The following TMC7 variants were observed in gnomAD, a reference collection of about 807,000 sequenced individuals.
The protein encoded by TMC7 is transmembrane channel like 7.
TMC7 carries 54 observed loss-of-function variants against 82.9 expected under a neutral mutation model. That is an observed-to-expected ratio of 0.65 (90% CI 0.52 to 0.82). The LOEUF is 0.82. TMC7 is among the 40% of genes least tolerant of loss of function. The pLI is 0.00. For missense variants in TMC7, 820 were observed against 901.2 expected (o/e 0.91, Z 1.15); for synonymous variants, 350 against 337.9 (o/e 1.04, Z -0.39).
In TMC7 at chr16:19,019,098, C is replaced by T. The variant is rs141631115; in HGVS notation, c.460+2500C>T. Among the ~76,000 whole-genome samples, 135 of 152,298 alleles carry T rather than the reference C, an allele frequency of 8.9e-4. 2 individuals are homozygous for T. The East Asian group carries it at 0.022, about 25-fold the overall frequency. ...TTCCTGACCTCAGGTGATCTGGCTG[C>T]CTTGGCCTCCCAAAATGCTGGGATT... On this transcript the variant is annotated intron_variant, in intron 3 of 15. Coordinates refer to ENST00000304381, the MANE Select transcript of TMC7 (RefSeq NM_024847.4).
rs2039296567 is a variant in TMC7, at chr16:19,009,357, C to G, written c.253C>G (p.Leu85Val). ...GCTGGAGGACAGAATCGCTGAAAAC[C>G]TCAGCAGCCATTCTCTTCGAAATTA... is the stretch of plus-strand genomic sequence containing the variant. ...SQLEDRIAEN[L>V]SSHSLRNYAL... Residue 85 changes from leucine (L) to valine (V), a missense_variant, in exon 2 of 16, where the codon CTC becomes GTC. By Grantham distance (32) the Leu-to-Val change is conservative. Transcript: ENST00000304381. 1.2e-6 allele frequency: 2 copies of G among 1,614,072 alleles called. No individual in the cohort carries two copies. Among genetic ancestry groups the G allele is most frequent in the South Asian group, 2.2e-5 (2 of 91,088 alleles).
At position 19,037,885 on chromosome 16, in the gene TMC7, G is replaced by A. The variant is rs770928766; in HGVS notation, c.1017G>A (p.Glu339=). The A allele has an allele frequency of 7.4e-6, 12 of 1,613,272 alleles. No homozygotes were observed. The East Asian group carries it at 2.2e-4, about 30-fold the overall frequency. Residue 339 remains glutamate, a synonymous_variant, in exon 8 of 16, where the codon GAG becomes GAA. Coordinates refer to ENST00000304381, the MANE Select transcript of TMC7 (RefSeq NM_024847.4). The part of the protein sequence containing the change: ...SLRYELRADL[E]EERMRQKIAE... ...TCTTTTATCTTCAGGCAGATCTGGA[G>A]GAAGAAAGAATGCGGCAGAAAATAG...
At chr16:19,010,739 A>C (rs928130314) in intron 2 of TMC7, among the ~76,000 whole-genome samples, 21 of 152,276 alleles carry the variant, frequency 1.4e-4, no homozygotes, top group Admixed American at 1.4e-3. Context: ...CTGAATCTTT[A>C]TCCATAGTCG....
At chr16:18,991,265 G>T (rs1215814606) in intron 1 of TMC7, among the ~76,000 whole-genome samples, 1 of 152,132 alleles carries the variant, frequency 6.6e-6, no homozygotes, top group South Asian at 2.1e-4. Flanking sequence ...CTAAACAGAA[G>T]ACGCAAGGTC....
chr16:18,995,571 G>A (rs1023736915), intron 1 of TMC7, among the ~76,000 whole-genome samples: 1 of 152,218 alleles, frequency 6.6e-6, no homozygotes, highest in African/African-American at 2.4e-5. Context: ...TGGCCCAGTG[G>A]CCAGATTTCC....
At chr16:19,026,070 C>T (rs186868990) in intron 5 of TMC7, among the ~76,000 whole-genome samples, 29 of 151,900 alleles carry the variant, frequency 1.9e-4, no homozygotes, top group Admixed American at 5.3e-4. Flanking sequence ...GCCACTATGC[C>T]GCACCTGATT....
At position 18,984,057 on chromosome 16, in the gene TMC7, C is replaced by A. The variant is rs768692938; in HGVS notation, c.-7C>A. ...TCGGCAGCCTCTGAGGAGCGCGGGGCGCGGCCATGAGCGAGTCCAGCGGCA... is the reference window on the plus strand; with the variant it reads ...TCGGCAGCCTCTGAGGAGCGCGGGGAGCGGCCATGAGCGAGTCCAGCGGCA... On this transcript the variant is annotated 5_prime_UTR_variant, in exon 1 of 16. Coordinates refer to ENST00000304381, the MANE Select transcript of TMC7 (RefSeq NM_024847.4). 5 of 1,478,752 alleles carry A rather than the reference C, an allele frequency of 3.4e-6. No homozygotes were observed. The South Asian group carries it at 5.1e-5, about 15-fold the overall frequency. 91.6% of individuals were successfully genotyped at this position (1,478,752 alleles called of 1,614,324 possible).
intron 2 of TMC7, among the ~76,000 whole-genome samples, chr16:19,011,126 A>G (rs12599856): frequency 0.52 from 79,154 of 152,004 alleles, 23,422 homozygotes; most frequent in East Asian, 0.81. Flanking sequence ...AAAGGTGCAC[A>G]TATCACTTTT....
rs182351287 is a variant in TMC7, at chr16:19,004,211, G to A, written c.68-4961G>A. ...GATGCCTGTGTTCAAAGACATGGTC[G>A]TGACATTTTTTGTTTGAAGTTGAGG... On this transcript the variant is annotated intron_variant, in intron 1 of 15. Coordinates refer to ENST00000304381, the MANE Select transcript of TMC7 (RefSeq NM_024847.4). Among the ~76,000 whole-genome samples the A allele has an allele frequency of 3.0e-4, 46 of 152,150 alleles. 1 individual carries two copies. The highest frequency in any genetic ancestry group is 3.0e-3 in the Admixed American group (45 of 15,254).
intron 2 of TMC7, among the ~76,000 whole-genome samples, chr16:19,011,707 G>A (rs1197514864): frequency 1.3e-5 from 2 of 152,048 alleles, no homozygotes; most frequent in Non-Finnish European, 2.9e-5. Flanking sequence ...GACAGAGTAA[G>A]ACCCTGTCTC....
Position 19,028,647 on chromosome 16 carries a change from AATTATT to A in TMC7, c.712-1558_712-1553del, listed in dbSNP as rs368148992. On this transcript the variant is annotated intron_variant, in intron 5 of 15. Transcript: ENST00000304381. ...TTGTCCGTTTCTTTAGAGCTTCTTT[AATTATT>A]ATTATTATTATTATTATTTTGAGAC... Among the ~76,000 whole-genome samples, 1,453 of 151,136 alleles carry A rather than the reference AATTATT, an allele frequency of 9.6e-3. 33 individuals carry two copies. Among genetic ancestry groups the A allele is most frequent in the African/African-American group, 0.033 (1,365 of 41,250 alleles).
At position 18,984,104 on chromosome 16, in the gene TMC7, C is replaced by T. The variant is rs1033376311; in HGVS notation, c.41C>T (p.Pro14Leu). The T allele has an allele frequency of 3.9e-5, 58 of 1,503,202 alleles. No individual in the cohort carries two copies. Among genetic ancestry groups the T allele is most frequent in the Non-Finnish European group, 4.9e-5 (56 of 1,134,118 alleles). 93.1% of individuals were successfully genotyped at this position (1,503,202 alleles called of 1,614,324 possible). The change falls in exon 1 of 16, where the codon CCC becomes CTC. Residue 14 changes from proline (P) to leucine (L), a missense_variant. Pro to Leu is a moderately conservative substitution (Grantham distance 98). Transcript: ENST00000304381. The part of the protein sequence containing the change: ...SSGSALQPGR[P>L]SRQPAVHPEN... ...GGCAGTGCGCTCCAGCCCGGCAGGC[C>T]CAGCCGGCAGCCGGCGGTCCATCCA...
intron 1 of TMC7, among the ~76,000 whole-genome samples, chr16:18,992,018 C>G (rs2038960639): frequency 6.6e-6 from 1 of 152,166 alleles, no homozygotes; most frequent in Non-Finnish European, 1.5e-5. Context: ...TGGGTTGGTT[C>G]TAAGTCTTTG....
chr16:19,012,819 GAA>G (rs1035680115), intron 2 of TMC7, among the ~76,000 whole-genome samples: 10 of 71,496 alleles, frequency 1.4e-4, no homozygotes, highest in African/African-American at 3.3e-4. Flanking sequence ...AAAAAAAAAA[GAA>G]AGTGGCAAAG....
chr16:19,030,395 T>C (rs773576000), intron 6 of TMC7, 26 bp downstream of exon 6: 8 of 1,597,580 alleles, frequency 5.0e-6, no homozygotes, highest in Non-Finnish European at 6.8e-6. Context: ...GCATTCTCTC[T>C]GAATTACCCC....
intron 1 of TMC7, among the ~76,000 whole-genome samples, chr16:19,001,805 C>T (rs1386379221): frequency 6.6e-6 from 1 of 152,192 alleles, no homozygotes; most frequent in Non-Finnish European, 1.5e-5. Flanking sequence ...CAGAGCAAGT[C>T]TTCATCTTCT....
rs567209901 is a variant in TMC7 at position 19,034,793 on chromosome 16, A to G, written c.858-883A>G. 5.3e-3 allele frequency among the ~76,000 whole-genome samples: 805 copies of G among 152,148 alleles called. 3 individuals are homozygous for G. The highest frequency in any genetic ancestry group is 7.5e-3 in the Non-Finnish European group (513 of 67,996). ...TTGGGGATGGTAGTGGGAATTCCCA[A>G]GGGTAGAGTCCCAGAGGCAGGAACA... On this transcript the variant is annotated intron_variant, in intron 6 of 15. Coordinates refer to ENST00000304381, the MANE Select transcript of TMC7 (RefSeq NM_024847.4).
rs563982595 is a variant in TMC7, at chr16:19,059,129, C to T, written c.2028-287C>T. ...CTGACCTCAGGTGATCCGCCTGCCT[C>T]GGCCTCCCAAAGTGCTGGGATTACA... On this transcript the variant is annotated intron_variant, in intron 14 of 15. Transcript: ENST00000304381. Among the ~76,000 whole-genome samples, 757 of 152,206 alleles carry T rather than the reference C, an allele frequency of 5.0e-3. 3 individuals are homozygous for T. Among genetic ancestry groups the T allele is most frequent in the Middle Eastern group, 0.014 (4 of 294 alleles).
intron 3 of TMC7, among the ~76,000 whole-genome samples, chr16:19,020,076 C>T (rs565943354): frequency 6.6e-6 from 1 of 152,096 alleles, no homozygotes; most frequent in Admixed American, 6.6e-5. Flanking sequence ...TGTAATTCAC[C>T]ACAAAACAGA....
Sources: allele counts gnomAD v4.1 joint callset (sites outside exome capture counted in the v4.1 genomes callset), GRCh38; gene constraint gnomAD v4.1.1; transcripts MANE v1.5; gene names NCBI Gene and HGNC (gene_info 2026-07-23, HGNC 2026-07-21).